TMEM236: variants seen among roughly 807,000 people sequenced by gnomAD.
TMEM236 encodes transmembrane protein 236, also known as family with sequence similarity 23, member A.
In TMEM236, 11 loss-of-function variants were observed where a neutral mutation model predicts 14.7. The ratio of observed to expected loss-of-function variants is 0.75; its 90% CI spans 0.47 to 1.24. The LOEUF (loss-of-function observed/expected upper bound fraction) is 1.24, where lower values mean the gene tolerates loss of function less well. Among genes scored for constraint, TMEM236 ranks in the 50% most tolerant of loss-of-function variants. The pLI is 0.00. For synonymous variants in TMEM236, 182 were observed against 168.6 expected (o/e 1.08, Z -0.62); for missense variants, 464 against 427.3 (o/e 1.09, Z -0.76).
At chr10:17,762,574 CATATATATAT>C (rs878958449) in intron 1 of TMEM236, among the ~76,000 whole-genome samples, 596 of 53,054 alleles carry the variant, frequency 0.011, 5 homozygotes, top group African/African-American at 0.025. Flanking sequence ...ATCTGAATTT[CATATATATAT>C]ATATATATAT....
intron 1 of TMEM236, among the ~76,000 whole-genome samples, chr10:17,752,801 A>C (rs1223767058): frequency 6.6e-6 from 1 of 152,176 alleles, no homozygotes; most frequent in Non-Finnish European, 1.5e-5. Context: ...TCCTGACCTC[A>C]AGTGATCTGC....
chr10:17,780,129 A>C (rs1236486430), intron 3 of TMEM236, among the ~76,000 whole-genome samples: 1 of 151,478 alleles, frequency 6.6e-6, no homozygotes, highest in African/African-American at 2.4e-5. Context: ...TGGCCATTCT[A>C]CTCCCCTGGA....
intron 1 of TMEM236, among the ~76,000 whole-genome samples, chr10:17,752,755 C>T (rs977785387): frequency 5.9e-5 from 9 of 151,854 alleles, no homozygotes; most frequent in African/African-American, 1.9e-4. Context: ...TTAGTAGAGA[C>T]GGGTTTTTGC....
At chr10:17,756,175 G>C (rs1837281615) in intron 1 of TMEM236, among the ~76,000 whole-genome samples, 1 of 152,208 alleles carries the variant, frequency 6.6e-6, no homozygotes, top group African/African-American at 2.4e-5. Flanking sequence ...GTTGGCTTGA[G>C]CCCAGGAGTT....
chr10:17,754,895 T>A (rs1837260870), intron 1 of TMEM236, among the ~76,000 whole-genome samples: 1 of 151,586 alleles, frequency 6.6e-6, no homozygotes, highest in Non-Finnish European at 1.5e-5. Context: ...AATAAGTTAA[T>A]ATAAGCTAAT....
At position 17,768,085 on chromosome 10, in the gene TMEM236, G is replaced by GTTTTT. The variant is rs1181734908; in HGVS notation, c.258-3224_258-3223insTTTTT. Among the ~76,000 whole-genome samples, 587 of 98,658 alleles carry GTTTTT rather than the reference G, an allele frequency of 5.9e-3. 35 individuals are homozygous for GTTTTT. Among genetic ancestry groups the GTTTTT allele is most frequent in the African/African-American group, 9.7e-3 (240 of 24,776 alleles). The allele number at this position is 98,658 out of a possible 152,430, so 64.7% of individuals were successfully genotyped here. A position where few individuals can be genotyped will look rare whatever the true frequency, so the allele number is the denominator to read the frequency against. The stretch of plus-strand genomic sequence containing the variant: ...ACCACCACACCTCGCTAATTTTTGT[G>GTTTTT]GTTTTTTTTTTTTTTTTTTTTTTGT... On this transcript the variant is annotated intron_variant, in intron 1 of 3. Coordinates refer to ENST00000377495, the MANE Select transcript of TMEM236 (RefSeq NM_001098844.3).
intron 3 of TMEM236, among the ~76,000 whole-genome samples, chr10:17,789,550 T>C (rs1301550779): frequency 1.3e-5 from 2 of 152,226 alleles, no homozygotes; most frequent in Non-Finnish European, 1.5e-5. Flanking sequence ...CTTGGCAATA[T>C]TACTTGTCTT....
chr10:17,759,356 G>C (rs1837324352), intron 1 of TMEM236, among the ~76,000 whole-genome samples: 2 of 152,318 alleles, frequency 1.3e-5, no homozygotes, highest in African/African-American at 4.8e-5. Flanking sequence ...ACTGTCTTGG[G>C]ACCTAGAGCT....
intron 3 of TMEM236, among the ~76,000 whole-genome samples, chr10:17,783,179 G>T (rs1412600523): frequency 2.0e-5 from 3 of 152,186 alleles, no homozygotes; most frequent in Admixed American, 2.0e-4. Flanking sequence ...AGTGTCCTCA[G>T]AAGGCCTGGA....
Position 17,796,174 on chromosome 10 carries a change from T to C in TMEM236, c.726T>C (p.Phe242=). 6.2e-7 allele frequency: 1 copy of C among 1,613,896 alleles called. No homozygotes were observed. The highest frequency in any genetic ancestry group is 1.3e-5 in the African/African-American group (1 of 75,014). ...GGGCAGAGTTATTCTTATGGAGCTT[T>C]CTCCTGTGGTCTGACACGATAGAAA... ...DVRAELFLWS[F]LLWSDTIEMV... Residue 242 remains phenylalanine, a synonymous_variant, in exon 4 of 4, where the codon TTT becomes TTC. Coordinates refer to ENST00000377495, the MANE Select transcript of TMEM236 (RefSeq NM_001098844.3).
rs1427246730 is a variant in TMEM236 at position 17,797,703 on chromosome 10, T to G, written c.*1199T>G. 1 of 152,226 alleles carries G rather than the reference T, an allele frequency of 6.6e-6. No individual in the cohort carries two copies. Among genetic ancestry groups the G allele is most frequent in the African/African-American group, 2.4e-5 (1 of 41,468 alleles). 9.4% of individuals were successfully genotyped at this position (152,226 alleles called of 1,614,324 possible). A position where few individuals can be genotyped will look rare whatever the true frequency, so the allele number is the denominator to read the frequency against. On this transcript the variant is annotated 3_prime_UTR_variant, in exon 4 of 4. Transcript: ENST00000377495. ...GGGACTTTTATTCAATAAATTGATT[T>G]CAGCATAAAAAGCAATTCACTTTAA...
intron 1 of TMEM236, among the ~76,000 whole-genome samples, chr10:17,764,262 G>A (rs1837423962): frequency 6.6e-6 from 1 of 152,176 alleles, no homozygotes; most frequent in African/African-American, 2.4e-5. Context: ...ACCCAATGTG[G>A]CTGAGCTTAC....
intron 1 of TMEM236, among the ~76,000 whole-genome samples, chr10:17,769,231 G>GGT (rs1837528718): frequency 6.6e-6 from 1 of 152,212 alleles, no homozygotes; most frequent in African/African-American, 2.4e-5. Flanking sequence ...GATGAACTAT[G>GGT]GTGTTGGCAG....
intron 3 of TMEM236, among the ~76,000 whole-genome samples, chr10:17,783,496 G>T (rs890582922): frequency 1.3e-5 from 2 of 152,124 alleles, no homozygotes; most frequent in African/African-American, 4.8e-5. Context: ...AAATAAATCT[G>T]CTCCCAATGG....
At chr10:17,773,642 T>C (rs1309856999) in intron 2 of TMEM236, among the ~76,000 whole-genome samples, 1 of 152,130 alleles carries the variant, frequency 6.6e-6, no homozygotes, top group African/African-American at 2.4e-5. Context: ...CAGGCATCAT[T>C]GTGTCTTTTT....
chr10:17,778,127 T>C (rs1373921056), intron 3 of TMEM236, among the ~76,000 whole-genome samples: 1 of 152,154 alleles, frequency 6.6e-6, no homozygotes, highest in East Asian at 1.9e-4. Context: ...AAAGAAGAAG[T>C]AGATCTGGGG....
At position 17,800,345 on chromosome 10, in the gene TMEM236, G is replaced by A. The variant is rs1838076416; in HGVS notation, c.*3841G>A. On this transcript the variant is annotated 3_prime_UTR_variant, in exon 4 of 4. Transcript: ENST00000377495. ...AATTTTATTGCATTATAATTATAAA[G>A]TAGTTTTATAATTTTATAAAATTTT... 3 of 151,424 alleles carry A rather than the reference G, an allele frequency of 2.0e-5. No individual in the cohort carries two copies. The highest frequency in any genetic ancestry group is 6.6e-5 in the Admixed American group (1 of 15,216). The allele number at this position is 151,424 out of a possible 1,614,324, so 9.4% of individuals were successfully genotyped here.
chr10:17,767,773 G>C (rs1246638433), intron 1 of TMEM236, among the ~76,000 whole-genome samples: 28 of 152,232 alleles, frequency 1.8e-4, no homozygotes, highest in African/African-American at 6.0e-4. Flanking sequence ...TTATTACATA[G>C]AGCTTTTCAG....
At chr10:17,762,631 A>G (rs1457077508) in intron 1 of TMEM236, among the ~76,000 whole-genome samples, 8,910 of 88,792 alleles carry the variant, frequency 0.1, 810 homozygotes, top group African/African-American at 0.28. Context: ...ACACATACAT[A>G]TATATATATA....
Sources: gnomAD v4.1 joint callset for allele counts (sites outside exome capture counted in the v4.1 genomes callset) on GRCh38, gnomAD v4.1.1 for gene constraint, MANE v1.5 for transcripts, NCBI Gene and HGNC (gene_info 2026-07-23, HGNC 2026-07-21) for gene names.